The following MANBA variants were observed in gnomAD, a reference collection of about 807,000 sequenced individuals.
The protein encoded by MANBA is beta-mannosidase.
Under a neutral mutation model 111.1 loss-of-function variants are expected in MANBA, and 83 were observed. The ratio of observed to expected loss-of-function variants is 0.75; its 90% CI spans 0.63 to 0.90. The LOEUF (loss-of-function observed/expected upper bound fraction) is 0.90, where lower values mean the gene tolerates loss of function less well. MANBA is among the 40% of genes least tolerant of loss of function. The pLI is 0.00. For missense variants in MANBA, 1,036 were observed against 1,069.0 expected (o/e 0.97, Z 0.43); for synonymous variants, 370 against 378.7 (o/e 0.98, Z 0.27).
intron 12 of MANBA, among the ~76,000 whole-genome samples, chr4:102,651,884 C>T (rs572360576): frequency 6.6e-6 from 1 of 152,342 alleles, no homozygotes; most frequent in African/African-American, 2.4e-5. Flanking sequence ...AATCATCTCG[C>T]ACACTTTTTA....
chr4:102,701,732 G>A lies in MANBA; in HGVS notation c.674-10961C>T, dbSNP rs1280087067. ...TAGAGTTTCTGCTGAGAGATCCGCTGTTAGTCTGATGGGCTTCCCTTTGTG... is the reference window on the plus strand; with the variant it reads ...TAGAGTTTCTGCTGAGAGATCCGCTATTAGTCTGATGGGCTTCCCTTTGTG... On this transcript the variant is annotated intron_variant, in intron 5 of 16. Coordinates refer to ENST00000647097, the MANE Select transcript of MANBA (RefSeq NM_005908.4). Among the ~76,000 whole-genome samples the A allele has an allele frequency of 1.4e-3, 214 of 151,988 alleles. 1 individual carries two copies. Among genetic ancestry groups the A allele is most frequent in the African/African-American group, 5.0e-3 (207 of 41,386 alleles).
intron 7 of MANBA, among the ~76,000 whole-genome samples, chr4:102,674,992 C>T (rs10489109): frequency 0.063 from 9,658 of 152,158 alleles, 983 homozygotes; most frequent in African/African-American, 0.22. Context: ...TGACAAAAGA[C>T]CTCAGAATTA....
At chr4:102,681,047 AC>A (rs1326303472) in intron 7 of MANBA, among the ~76,000 whole-genome samples, 1 of 152,180 alleles carries the variant, frequency 6.6e-6, no homozygotes, top group Non-Finnish European at 1.5e-5. Flanking sequence ...CATGCCTATA[AC>A]CTCAACACTT....
At chr4:102,686,079 G>A (rs1377937051) in intron 7 of MANBA, among the ~76,000 whole-genome samples, 1 of 152,148 alleles carries the variant, frequency 6.6e-6, no homozygotes, top group Non-Finnish European at 1.5e-5. Flanking sequence ...TCAGCACAGA[G>A]TGGTATTCCA....
chr4:102,651,531 G>GCT (rs1306818357), intron 12 of MANBA, among the ~76,000 whole-genome samples: 1 of 152,124 alleles, frequency 6.6e-6, no homozygotes, highest in Non-Finnish European at 1.5e-5. Context: ...ACAATTGCTG[G>GCT]CTACATCTGA....
intron 4 of MANBA, among the ~76,000 whole-genome samples, chr4:102,715,110 C>A (rs1722269465): frequency 6.6e-6 from 1 of 152,182 alleles, no homozygotes; most frequent in Non-Finnish European, 1.5e-5. Flanking sequence ...CCTAGTGAAT[C>A]ACTTCTAACC....
intron 5 of MANBA, among the ~76,000 whole-genome samples, chr4:102,713,088 A>T (rs1722153001): frequency 6.6e-6 from 1 of 152,180 alleles, no homozygotes; most frequent in Non-Finnish European, 1.5e-5. Context: ...AACCTCCTCA[A>T]ATCTAAGCAT....
chr4:102,735,730 G>T (rs1723195049), intron 1 of MANBA, among the ~76,000 whole-genome samples: 1 of 152,066 alleles, frequency 6.6e-6, no homozygotes, highest in Non-Finnish European at 1.5e-5. Context: ...GCAAACCCAT[G>T]AACCCTAAAA....
chr4:102,684,346 G>A (rs974542407), intron 7 of MANBA, among the ~76,000 whole-genome samples: 8 of 152,120 alleles, frequency 5.3e-5, no homozygotes, highest in African/African-American at 1.4e-4. Context: ...AAGTGCTGGC[G>A]AGCATGAGGA....
chr4:102,668,697 C>T (rs774775617), intron 10 of MANBA: 11 of 432,500 alleles, frequency 2.5e-5, no homozygotes, highest in Non-Finnish European at 4.7e-5. Context: ...AACCTCCAAG[C>T]AGAGGCACCA....
intron 11 of MANBA, among the ~76,000 whole-genome samples, chr4:102,662,002 G>T (rs1578879778): frequency 6.6e-6 from 1 of 152,048 alleles, no homozygotes; most frequent in African/African-American, 2.4e-5. Flanking sequence ...ATTCATCTTT[G>T]AAAAAATTTA....
intron 14 of MANBA, 48 bp from the exon 15 acceptor site, chr4:102,636,055 A>G: frequency 1.9e-6 from 3 of 1,565,792 alleles, no homozygotes; most frequent in Non-Finnish European, 2.6e-6. Flanking sequence ...AAGTAGTCAG[A>G]GAGGCACTGT....
chr4:102,674,270 T>C (rs1014608909), intron 7 of MANBA, among the ~76,000 whole-genome samples, 200 bp from the exon 8 acceptor site: 13 of 152,222 alleles, frequency 8.5e-5, no homozygotes, highest in African/African-American at 2.4e-4. Flanking sequence ...GTTATTTCTC[T>C]TTTAAAAGAG....
intron 1 of MANBA, among the ~76,000 whole-genome samples, chr4:102,756,535 G>A (rs922585236): frequency 3.3e-5 from 5 of 151,868 alleles, no homozygotes; most frequent in Non-Finnish European, 5.9e-5. Flanking sequence ...TGAGGTTAAC[G>A]GGTCAACGGG....
chr4:102,661,446 A>C, intron 11 of MANBA, among the ~76,000 whole-genome samples: 1 of 152,190 alleles, frequency 6.6e-6, no homozygotes, highest in East Asian at 1.9e-4. Flanking sequence ...CTTGGCAATA[A>C]GTACTCAGTA....
intron 1 of MANBA, among the ~76,000 whole-genome samples, chr4:102,730,975 C>T (rs1723012323): frequency 6.6e-6 from 1 of 152,078 alleles, no homozygotes; most frequent in African/African-American, 2.4e-5. Context: ...TGTCCCCCTC[C>T]CCTTCTATAT....
chr4:102,731,583 T>G (rs1723035659), intron 1 of MANBA, among the ~76,000 whole-genome samples: 1 of 152,180 alleles, frequency 6.6e-6, no homozygotes. Context: ...CATGTCTCTG[T>G]GTGGCTAGCA....
intron 5 of MANBA, among the ~76,000 whole-genome samples, chr4:102,701,471 T>C (rs1487311299): frequency 6.6e-6 from 1 of 152,228 alleles, no homozygotes; most frequent in Non-Finnish European, 1.5e-5. Flanking sequence ...TCTTTACATT[T>C]TGGCATGATT....
At chr4:102,728,076 T>TGGAGAAGGGTTTCAGCAA (rs1560801654) in intron 1 of MANBA, 1 of 530,292 alleles carries the variant, frequency 1.9e-6, no homozygotes, top group Non-Finnish European at 3.8e-6. Flanking sequence ...GGCACGCCCA[T>TGGAGAAGGGTTTCAGCAA]GGAGAAGGGT....
Sources: gnomAD v4.1 joint callset for allele counts (sites outside exome capture counted in the v4.1 genomes callset) on GRCh38, gnomAD v4.1.1 for gene constraint, MANE v1.5 for transcripts, NCBI Gene and HGNC (gene_info 2026-07-23, HGNC 2026-07-21) for gene names.